Variants in C8orf34 observed in about 807,000 individuals in gnomAD.
C8orf34 encodes the protein uncharacterized protein C8orf34.
A neutral mutation model predicts 68.3 loss-of-function variants in C8orf34; 65 were observed. The observed-to-expected ratio is 0.95, with a 90% CI of 0.78 to 1.17. The LOEUF (loss-of-function observed/expected upper bound fraction) is 1.17. Ranked by LOEUF, C8orf34 falls within the 50% of genes most tolerant of loss-of-function variation. C8orf34 has a pLI of 0.00. For synonymous variants in C8orf34, 244 were observed against 241.2 expected (o/e 1.01, Z -0.11); for missense variants, 664 against 655.4 (o/e 1.01, Z -0.14).
At chr8:68,788,830 G>A (rs537917941) in intron 12 of C8orf34, among the ~76,000 whole-genome samples, 2 of 151,970 alleles carry the variant, frequency 1.3e-5, no homozygotes, top group African/African-American at 4.8e-5. Flanking sequence ...CTGCACTCCC[G>A]CCTGGCGACA....
intron 1 of C8orf34, among the ~76,000 whole-genome samples, chr8:68,400,427 G>C (rs182298273): frequency 3.2e-4 from 48 of 150,842 alleles, no homozygotes; most frequent in African/African-American, 1.1e-3. Flanking sequence ...AAGTTCCCCA[G>C]CACTATTTAC....
At chr8:68,714,452 C>T (rs896434438) in intron 9 of C8orf34, among the ~76,000 whole-genome samples, 8 of 152,068 alleles carry the variant, frequency 5.3e-5, no homozygotes, top group Admixed American at 3.3e-4. Flanking sequence ...AATTAATGTA[C>T]GCATATCAGT....
intron 1 of C8orf34, among the ~76,000 whole-genome samples, chr8:68,435,821 A>AATCT (rs370752768): frequency 4.6e-5 from 7 of 152,286 alleles, no homozygotes; most frequent in African/African-American, 1.7e-4. Context: ...TATCTTATTT[A>AATCT]ATCTCCATGG....
rs142012887 is a variant in C8orf34 at position 68,421,379 on chromosome 8, A to G, written c.328-18120A>G. ...AAGAGGCTTACAACCTGGAACTACC[A>G]ACAGGTATAGATAAACAAAACAAAA... On this transcript the variant is annotated intron_variant, in intron 1 of 13. Coordinates refer to ENST00000518698, the MANE Select transcript of C8orf34 (RefSeq NM_052958.4). Among the ~76,000 whole-genome samples, 20 of 152,338 alleles carry G rather than the reference A, an allele frequency of 1.3e-4. No individual in the cohort carries two copies. The East Asian group carries it at 3.7e-3, about 28-fold the overall frequency.
chr8:68,633,723 T>C (rs1426029887), intron 7 of C8orf34, among the ~76,000 whole-genome samples: 1 of 151,992 alleles, frequency 6.6e-6, no homozygotes, highest in Admixed American at 6.6e-5. Context: ...GAGAATATTT[T>C]GGAGAATATC....
At chr8:68,538,563 C>A (rs1815578097) in intron 7 of C8orf34, among the ~76,000 whole-genome samples, 1 of 151,440 alleles carries the variant, frequency 6.6e-6, no homozygotes, top group Non-Finnish European at 1.5e-5. Context: ...AATTTATATC[C>A]TTGAACCCAG....
At chr8:68,552,528 A>AT (rs1449928393) in intron 7 of C8orf34, among the ~76,000 whole-genome samples, 1 of 152,056 alleles carries the variant, frequency 6.6e-6, no homozygotes, top group Non-Finnish European at 1.5e-5. Flanking sequence ...TTGTACACTA[A>AT]TTTTTTTATT....
intron 8 of C8orf34, among the ~76,000 whole-genome samples, chr8:68,685,003 C>A (rs1820471945): frequency 6.6e-6 from 1 of 151,906 alleles, no homozygotes; most frequent in African/African-American, 2.4e-5. Context: ...AAAATTAGAA[C>A]ATAATCTTTA....
At chr8:68,460,902 G>A (rs1162216146) in intron 3 of C8orf34, among the ~76,000 whole-genome samples, 2 of 152,212 alleles carry the variant, frequency 1.3e-5, no homozygotes, top group Non-Finnish European at 2.9e-5. Context: ...TCCTCCAAAG[G>A]AACGCAGTTC....
intron 8 of C8orf34, among the ~76,000 whole-genome samples, chr8:68,687,333 G>T (rs1455278123): frequency 1.3e-5 from 2 of 152,024 alleles, no homozygotes; most frequent in Non-Finnish European, 2.9e-5. Flanking sequence ...GGACAAATTT[G>T]GAGGCATCAC....
At chr8:68,725,416 A>T (rs945912609) in intron 10 of C8orf34, among the ~76,000 whole-genome samples, 2 of 152,186 alleles carry the variant, frequency 1.3e-5, no homozygotes, top group Non-Finnish European at 2.9e-5. Flanking sequence ...AGTCTTCTGT[A>T]AAAAAGGTTT....
chr8:68,499,104 G>A (rs1229666868), intron 5 of C8orf34, among the ~76,000 whole-genome samples: 1 of 152,102 alleles, frequency 6.6e-6, no homozygotes, highest in Non-Finnish European at 1.5e-5. Context: ...ATAGTCCCCA[G>A]TATCTGTTGT....
intron 10 of C8orf34, among the ~76,000 whole-genome samples, chr8:68,743,918 ACCT>A (rs1230471916): frequency 6.6e-6 from 1 of 152,156 alleles, no homozygotes; most frequent in East Asian, 1.9e-4. Flanking sequence ...TGTAGGCTCC[ACCT>A]CTGGGGGCAG....
chr8:68,435,193 A>T (rs2252535), intron 1 of C8orf34, among the ~76,000 whole-genome samples: 98,008 of 148,124 alleles, frequency 0.66, 32,969 homozygotes, highest in African/African-American at 0.79. Flanking sequence ...ATATATAATA[A>T]AAATATATAA....
chr8:68,784,366 A>G (rs1191542169), intron 11 of C8orf34, among the ~76,000 whole-genome samples: 1 of 152,224 alleles, frequency 6.6e-6, no homozygotes, highest in Non-Finnish European at 1.5e-5. Context: ...TGTCAAGGGT[A>G]CATCCTATCA....
At chr8:68,392,851 A>G (rs574184717) in intron 1 of C8orf34, among the ~76,000 whole-genome samples, 23 of 152,276 alleles carry the variant, frequency 1.5e-4, no homozygotes, top group African/African-American at 5.3e-4. Context: ...GGCTTCAGGT[A>G]ATAAAGGCTA....
intron 10 of C8orf34, among the ~76,000 whole-genome samples, chr8:68,736,739 T>C (rs1822132845): frequency 6.6e-6 from 1 of 152,082 alleles, no homozygotes; most frequent in East Asian, 1.9e-4. Flanking sequence ...TGAGAACTTT[T>C]AGGTGTCCTT....
chr8:68,441,903 G>A (rs1263190620), intron 2 of C8orf34, among the ~76,000 whole-genome samples: 1 of 152,158 alleles, frequency 6.6e-6, no homozygotes, highest in African/African-American at 2.4e-5. Flanking sequence ...AGTTCTCTTA[G>A]TACCTATTGA....
chr8:68,721,647 T>C (rs1490579584), intron 10 of C8orf34, among the ~76,000 whole-genome samples: 1 of 151,964 alleles, frequency 6.6e-6, no homozygotes, highest in Non-Finnish European at 1.5e-5. Context: ...CATGTGAGCA[T>C]GCTAAAAGGT....
Sources: allele counts gnomAD v4.1 joint callset (sites outside exome capture counted in the v4.1 genomes callset), GRCh38; gene constraint gnomAD v4.1.1; transcripts MANE v1.5; gene names NCBI Gene and HGNC (gene_info 2026-07-23, HGNC 2026-07-21).